The following UBE4B variants were observed in gnomAD, a reference collection of about 807,000 sequenced individuals.
The protein encoded by UBE4B is ubiquitin conjugation factor E4 B.
A neutral mutation model predicts 148.1 loss-of-function variants in UBE4B; 27 were observed. That is an observed-to-expected ratio of 0.18 (90% confidence interval 0.13 to 0.25). The LOEUF is 0.25. Ranked by LOEUF, UBE4B falls within the 10% of genes least tolerant of loss-of-function variation. The pLI, the probability that UBE4B is intolerant of heterozygous loss-of-function variation, is 1.00. For synonymous variants in UBE4B, 596 were observed against 619.3 expected, an observed-to-expected ratio of 0.96 and a Z score of 0.56; for missense variants, 1,170 against 1,662.4, an observed-to-expected ratio of 0.70 and a Z score of 5.15.
chr1:10,171,113 G>T (rs749507865), intron 24 of UBE4B, 25 bp from the exon 25 acceptor site: 1 of 1,605,926 alleles, frequency 6.2e-7, no homozygotes, highest in Non-Finnish European at 8.5e-7. Flanking sequence ...AGCATGAATT[G>T]TCCTATTATC....
chr1:10,120,852 A>C (rs1170229272), intron 9 of UBE4B, among the ~76,000 whole-genome samples: 1 of 151,932 alleles, frequency 6.6e-6, no homozygotes, highest in Non-Finnish European at 1.5e-5. Flanking sequence ...TAATAATAAT[A>C]CTAAATAAAT....
chr1:10,127,075 TTCCACC>T (rs1645512056), intron 11 of UBE4B, among the ~76,000 whole-genome samples, 198 bp downstream of exon 11: 2 of 152,210 alleles, frequency 1.3e-5, no homozygotes, highest in Non-Finnish European at 2.9e-5. Context: ...CTGGTACATC[TTCCACC>T]TATCCAAGTC....
At chr1:10,079,717 A>G (rs769600050) in intron 2 of UBE4B, among the ~76,000 whole-genome samples, 1 of 152,218 alleles carries the variant, frequency 6.6e-6, no homozygotes, top group Non-Finnish European at 1.5e-5. Flanking sequence ...GTGAGAAGCC[A>G]GATGATATAT....
rs1645507355 is a variant in UBE4B at position 10,126,833 on chromosome 1, A to G, written c.1594A>G (p.Lys532Glu). 2.5e-6 allele frequency: 4 copies of G among 1,614,124 alleles called. No homozygotes were observed. The East Asian group carries it at 8.9e-5, about 36-fold the overall frequency. Residue 532 changes from lysine (K) to glutamate (E), a missense_variant, in exon 11 of 28, where the codon AAA becomes GAA. This residue lies in a region of UBE4B where 388 missense variants were observed against 536.0 expected (regional missense o/e 0.72). Transcript: ENST00000343090. The part of the protein sequence containing the change: ...PILQGLALAA[K>E]ECSLDSDYFK... ...TTTACAAGGCCTGGCTCTTGCTGCC[A>G]AAGAGTGCTCCCTCGACAGTGACTA...
intron 3 of UBE4B, among the ~76,000 whole-genome samples, chr1:10,096,460 G>A (rs912354272): frequency 7.9e-5 from 12 of 152,132 alleles, no homozygotes; most frequent in Non-Finnish European, 1.0e-4. Context: ...GTCCGGGCTC[G>A]ATGGCTCATG....
chr1:10,084,927 C>G (rs979116977), intron 2 of UBE4B, among the ~76,000 whole-genome samples: 2 of 151,878 alleles, frequency 1.3e-5, no homozygotes, highest in African/African-American at 4.8e-5. Context: ...TGGTCTCAGA[C>G]TCCTGGGGCC....
At chr1:10,068,938 G>A (rs1490927779) in intron 1 of UBE4B, among the ~76,000 whole-genome samples, 1 of 152,180 alleles carries the variant, frequency 6.6e-6, no homozygotes, top group Non-Finnish European at 1.5e-5. Context: ...GGGGCAAAAT[G>A]TATTCTCCCA....
chr1:10,150,981 G>A (rs1259973185), intron 20 of UBE4B, among the ~76,000 whole-genome samples: 7 of 150,540 alleles, frequency 4.6e-5, no homozygotes, highest in Non-Finnish European at 1.0e-4. Flanking sequence ...CTAACATGGT[G>A]AAACCCCATC....
intron 23 of UBE4B, among the ~76,000 whole-genome samples, chr1:10,163,762 T>TC (rs1646204800): frequency 5.9e-5 from 9 of 151,434 alleles, no homozygotes; most frequent in Non-Finnish European, 8.8e-5. Flanking sequence ...TATTAAATTA[T>TC]TTTTTATTTT....
At chr1:10,094,225 G>A (rs1644893754) in intron 2 of UBE4B, among the ~76,000 whole-genome samples, 1 of 152,226 alleles carries the variant, frequency 6.6e-6, no homozygotes, top group South Asian at 2.1e-4. Context: ...TCACTGTACT[G>A]TCAGCTCTGT....
At chr1:10,073,769 G>A (rs1352823003) in intron 2 of UBE4B, among the ~76,000 whole-genome samples, 2 of 152,048 alleles carry the variant, frequency 1.3e-5, no homozygotes, top group Non-Finnish European at 1.5e-5. Context: ...TCACAAACTC[G>A]GGTAGACCCT....
chr1:10,034,478 T>TAAA lies in UBE4B; in HGVS notation c.24+793_24+795dup, dbSNP rs57860112. ...GATTGTTTAATAAATTAGGTTGTTGTAAAAAAAAAAACAACCAAAAAGCAG... is the reference window on the plus strand; with the variant it reads ...GATTGTTTAATAAATTAGGTTGTTGTAAAAAAAAAAAAAACAACCAAAAAGCAG... On this transcript the variant is annotated intron_variant, in intron 1 of 27. Coordinates refer to ENST00000343090, the MANE Select transcript of UBE4B (RefSeq NM_001105562.3). Among the ~76,000 whole-genome samples the TAAA allele has an allele frequency of 1.1e-3, 167 of 147,234 alleles. 1 individual carries two copies. The highest frequency in any genetic ancestry group is 2.9e-3 in the African/African-American group (118 of 40,530).
At chr1:10,154,288 C>A (rs1397513750) in intron 21 of UBE4B, among the ~76,000 whole-genome samples, 1 of 151,296 alleles carries the variant, frequency 6.6e-6, no homozygotes, top group Non-Finnish European at 1.5e-5. Flanking sequence ...CCGGGTGACG[C>A]ATGCGTGTAA....
At chr1:10,169,494 C>G (rs1332241048) in intron 24 of UBE4B, among the ~76,000 whole-genome samples, 1 of 152,154 alleles carries the variant, frequency 6.6e-6, no homozygotes, top group Admixed American at 6.5e-5. Flanking sequence ...CCATGGAACA[C>G]GAAACAAAAC....
chr1:10,123,427 CA>C (rs34527607), intron 10 of UBE4B, among the ~76,000 whole-genome samples: 2,580 of 35,638 alleles, frequency 0.072, 37 homozygotes, highest in African/African-American at 0.19. Context: ...AAGACTGTCT[CA>C]AAAAAAAAAA....
In UBE4B at chr1:10,152,163, G is replaced by A. The variant is rs528713941; in HGVS notation, c.2926+602G>A. Among the ~76,000 whole-genome samples, 167 of 151,838 alleles carry A rather than the reference G, an allele frequency of 1.1e-3. 2 individuals carry two copies. In the South Asian group the frequency reaches 0.026, roughly 24 times the overall value. On this transcript the variant is annotated intron_variant, in intron 21 of 27. Coordinates refer to ENST00000343090, the MANE Select transcript of UBE4B (RefSeq NM_001105562.3). ...TGCCTGTAGTCCCAGGGCGGTTGAG[G>A]GAGGAGAATTGCTTGAACCCGGGAG...
chr1:10,102,900 C>G (rs748527443), intron 4 of UBE4B, 48 bp from the exon 5 acceptor site: 1 of 1,566,228 alleles, frequency 6.4e-7, no homozygotes, highest in Admixed American at 1.8e-5. Flanking sequence ...AAACACCTAA[C>G]TCATACCTCT....
chr1:10,177,920 G>T (rs1179018511), intron 25 of UBE4B, among the ~76,000 whole-genome samples: 1 of 151,798 alleles, frequency 6.6e-6, no homozygotes, highest in Non-Finnish European at 1.5e-5. Flanking sequence ...GTTCAGATTT[G>T]CCTACGACTG....
intron 5 of UBE4B, among the ~76,000 whole-genome samples, chr1:10,104,760 C>T (rs1035680956): frequency 2.6e-5 from 4 of 152,028 alleles, no homozygotes; most frequent in Non-Finnish European, 5.9e-5. Context: ...TTTAAATAAC[C>T]AAATCAGATA....
Sources: allele counts gnomAD v4.1 joint callset (sites outside exome capture counted in the v4.1 genomes callset), GRCh38; gene constraint gnomAD v4.1.1; regional missense constraint gnomAD v4.1.1; transcripts MANE v1.5; gene names NCBI Gene and HGNC (gene_info 2026-07-23, HGNC 2026-07-21).